SENP6: variants seen among roughly 807,000 people sequenced by gnomAD.
SENP6 encodes SUMO specific peptidase 6, also known as sentrin-specific protease 6.
A neutral mutation model predicts 134.5 loss-of-function variants in SENP6; 41 were observed. The observed-to-expected ratio is 0.30, with a 90% confidence interval of 0.24 to 0.40. The LOEUF is 0.40. Ranked by LOEUF, SENP6 falls within the 10% of genes least tolerant of loss-of-function variation. The probability of loss-of-function intolerance (pLI) is 1.00; values close to 1 mark genes in which losing one functional copy is unlikely to be tolerated. For missense variants in SENP6, 1,248 were observed against 1,312.5 expected (o/e 0.95, Z 0.76); for synonymous variants, 395 against 429.8 (o/e 0.92, Z 1.00).
rs35109678 is a variant in SENP6, at chr6:75,630,068, C to CT, written c.208-3495dup. Among the ~76,000 whole-genome samples, 351 of 139,492 alleles carry CT rather than the reference C, an allele frequency of 2.5e-3. 1 individual carries two copies. Among genetic ancestry groups the CT allele is most frequent in the African/African-American group, 3.6e-3 (139 of 38,162 alleles). 91.5% of individuals were successfully genotyped at this position (139,492 alleles called of 152,430 possible). On this transcript the variant is annotated intron_variant, in intron 3 of 23. Transcript: ENST00000447266. ...GGCCACAATGTGCAACTTGTGATAA[C>CT]TTTTTTTTTTTTTTTTTTGAGATGG...
intron 3 of SENP6, among the ~76,000 whole-genome samples, chr6:75,632,027 C>T (rs1433393340): frequency 6.6e-6 from 1 of 152,188 alleles, no homozygotes; most frequent in Non-Finnish European, 1.5e-5. Context: ...CGTGTGGGTT[C>T]TTAAACACTC....
chr6:75,664,202 A>G (rs1253728304), intron 9 of SENP6, among the ~76,000 whole-genome samples: 1 of 151,948 alleles, frequency 6.6e-6, no homozygotes. Flanking sequence ...GAGATGAGAG[A>G]ATTGCTTGAG....
At chr6:75,610,130 C>G (rs987968355) in intron 1 of SENP6, among the ~76,000 whole-genome samples, 9 of 152,100 alleles carry the variant, frequency 5.9e-5, no homozygotes, top group Non-Finnish European at 1.5e-5. Context: ...TCAGGAATTT[C>G]TGAAACTAGG....
chr6:75,613,859 T>G (rs890455845), intron 1 of SENP6, among the ~76,000 whole-genome samples: 2 of 152,204 alleles, frequency 1.3e-5, no homozygotes, highest in Non-Finnish European at 2.9e-5. Context: ...TTTCATTAGT[T>G]GACCTAAAAA....
At chr6:75,620,489 G>C (rs1446574804) in intron 1 of SENP6, among the ~76,000 whole-genome samples, 1 of 152,152 alleles carries the variant, frequency 6.6e-6, no homozygotes, top group Non-Finnish European at 1.5e-5. Context: ...GGGCAAACAG[G>C]CTCCATTGGG....
In SENP6 at chr6:75,690,851, A is replaced by G. The variant is rs535607013; in HGVS notation, c.2076-4953A>G. 7.3e-5 allele frequency among the ~76,000 whole-genome samples: 11 copies of G among 151,394 alleles called. No homozygotes were observed. The South Asian group carries it at 2.1e-3, about 29-fold the overall frequency. ...GCTGGGACTACAGGCGCTCACCACCACACCTGGCTAATTGTTTTGTATTTT... is the reference window on the plus strand; with the variant it reads ...GCTGGGACTACAGGCGCTCACCACCGCACCTGGCTAATTGTTTTGTATTTT... On this transcript the variant is annotated intron_variant, in intron 16 of 23. Transcript: ENST00000447266.
chr6:75,652,683 C>CAAAAAAAAAAAAAAAAAG (rs1770969659), intron 7 of SENP6, among the ~76,000 whole-genome samples: 1 of 75,856 alleles, frequency 1.3e-5, no homozygotes, highest in Admixed American at 1.6e-4. Context: ...CTAAAAATCT[C>CAAAAAAAAAAAAAAAAAG]AAAAAAAAAA....
At chr6:75,652,045 C>T (rs184088027) in intron 7 of SENP6, among the ~76,000 whole-genome samples, 169 of 151,520 alleles carry the variant, frequency 1.1e-3, no homozygotes, top group African/African-American at 3.9e-3. Flanking sequence ...GGTATAGTGG[C>T]GTGTGCCTGT....
At chr6:75,640,199 T>C (rs1433636286) in intron 5 of SENP6, among the ~76,000 whole-genome samples, 1 of 152,224 alleles carries the variant, frequency 6.6e-6, no homozygotes, top group East Asian at 1.9e-4. Flanking sequence ...AGGTGTAGTA[T>C]ACAGAGCAAA....
chr6:75,607,592 G>A (rs1186870750), intron 1 of SENP6, among the ~76,000 whole-genome samples: 2 of 148,706 alleles, frequency 1.3e-5, no homozygotes, highest in South Asian at 2.1e-4. Context: ...ATTTTCTCCC[G>A]TTTTTCCTGA....
At chr6:75,664,490 C>A (rs997376827) in intron 9 of SENP6, among the ~76,000 whole-genome samples, 3 of 152,038 alleles carry the variant, frequency 2.0e-5, no homozygotes, top group African/African-American at 7.2e-5. Context: ...GAAATAGATA[C>A]CCTTATTGTC....
At chr6:75,695,423 A>G (rs1306724484) in intron 16 of SENP6, among the ~76,000 whole-genome samples, 1 of 152,180 alleles carries the variant, frequency 6.6e-6, no homozygotes, top group African/African-American at 2.4e-5. Context: ...AAGAAAAAAG[A>G]TTTACTGAGT....
intron 6 of SENP6, among the ~76,000 whole-genome samples, chr6:75,641,935 T>C (rs551982031): frequency 3.3e-5 from 5 of 152,098 alleles, no homozygotes; most frequent in South Asian, 2.1e-4. Context: ...GAGTCTATAG[T>C]GCCTTTCAAA....
At chr6:75,631,287 G>A (rs1425262809) in intron 3 of SENP6, among the ~76,000 whole-genome samples, 1 of 152,090 alleles carries the variant, frequency 6.6e-6, no homozygotes, top group Non-Finnish European at 1.5e-5. Context: ...ATAATTTTGG[G>A]TGGAAGATAA....
chr6:75,694,375 G>A (rs1222110854), intron 16 of SENP6, among the ~76,000 whole-genome samples: 1 of 152,142 alleles, frequency 6.6e-6, no homozygotes, highest in Non-Finnish European at 1.5e-5. Context: ...TATGCTGCTG[G>A]ATCTTCGTGG....
chr6:75,675,241 A>C (rs1772997131), intron 11 of SENP6, among the ~76,000 whole-genome samples, 194 bp from the exon 12 acceptor site: 1 of 152,156 alleles, frequency 6.6e-6, no homozygotes, highest in Non-Finnish European at 1.5e-5. Flanking sequence ...TGTGACAAGA[A>C]TGTTAACAGT....
chr6:75,674,155 T>C (rs1471022216), intron 11 of SENP6, among the ~76,000 whole-genome samples: 2 of 146,706 alleles, frequency 1.4e-5, no homozygotes, highest in African/African-American at 5.0e-5. Flanking sequence ...CCTTTTTTTT[T>C]TTTTTTTTTT....
chr6:75,678,554 T>G, intron 14 of SENP6, 29 bp from the exon 15 acceptor site: 7 of 1,088,462 alleles, frequency 6.4e-6, no homozygotes, highest in Non-Finnish European at 9.7e-6. Context: ...TAATTGACTG[T>G]AAATTGCTAA....
intron 9 of SENP6, among the ~76,000 whole-genome samples, chr6:75,666,099 T>C (rs1464493164): frequency 6.8e-6 from 1 of 146,596 alleles, no homozygotes; most frequent in Non-Finnish European, 1.5e-5. Flanking sequence ...ATATATGATA[T>C]ATATAAAATG....
Sources: allele counts gnomAD v4.1 joint callset (sites outside exome capture counted in the v4.1 genomes callset), GRCh38; gene constraint gnomAD v4.1.1; transcripts MANE v1.5; gene names NCBI Gene and HGNC (gene_info 2026-07-23, HGNC 2026-07-21).